Variants in CDH2 observed in about 807,000 individuals in gnomAD.
The protein encoded by CDH2 is cadherin 2, also known as cadherin-2.
In CDH2, 17 loss-of-function variants were observed where a neutral mutation model predicts 92.0. The ratio of observed to expected loss-of-function variants is 0.18; its 90% confidence interval spans 0.13 to 0.28. The LOEUF (loss-of-function observed/expected upper bound fraction) is 0.28, where lower values mean the gene tolerates loss of function less well. CDH2 is among the 10% of genes least tolerant of loss of function. CDH2 has a pLI of 1.00. For synonymous variants in CDH2, 419 were observed against 415.9 expected (o/e 1.01, Z -0.09); for missense variants, 862 against 1,133.1 (o/e 0.76, Z 3.44).
At chr18:28,170,631 C>T (rs1308841415) in intron 1 of CDH2, among the ~76,000 whole-genome samples, 4 of 152,172 alleles carry the variant, frequency 2.6e-5, no homozygotes, top group Admixed American at 2.0e-4. Context: ...AGGCATCAGC[C>T]ACCATGCCTG....
chr18:27,957,094 A>T (rs1244535665), intron 15 of CDH2, among the ~76,000 whole-genome samples: 1 of 148,710 alleles, frequency 6.7e-6, no homozygotes, highest in Non-Finnish European at 1.5e-5. Flanking sequence ...TTTTAGAATT[A>T]TACTTCTTAT....
chr18:28,102,373 C>T (rs1801371739), intron 2 of CDH2, among the ~76,000 whole-genome samples: 1 of 152,106 alleles, frequency 6.6e-6, no homozygotes, highest in Admixed American at 6.6e-5. Flanking sequence ...TGACCCATCT[C>T]TGCAGAATCA....
intron 1 of CDH2, among the ~76,000 whole-genome samples, chr18:28,152,469 C>T (rs1347798243): frequency 1.3e-5 from 2 of 152,078 alleles, no homozygotes; most frequent in African/African-American, 4.8e-5. Context: ...GGGGGCTTCC[C>T]AAGCAGAGAG....
intron 13 of CDH2, among the ~76,000 whole-genome samples, chr18:27,983,868 T>C (rs1489377575): frequency 6.6e-6 from 1 of 152,250 alleles, no homozygotes; most frequent in Non-Finnish European, 1.5e-5. Flanking sequence ...AATGGAAACA[T>C]ATCCCTAGGT....
intron 2 of CDH2, among the ~76,000 whole-genome samples, chr18:28,141,022 A>G (rs761778923): frequency 4.6e-5 from 7 of 151,804 alleles, no homozygotes; most frequent in Non-Finnish European, 7.4e-5. Context: ...GTAAAATAAG[A>G]TAACAAGTGT....
At chr18:27,987,156 A>C (rs1329464862) in intron 11 of CDH2, among the ~76,000 whole-genome samples, 1 of 152,192 alleles carries the variant, frequency 6.6e-6, no homozygotes, top group African/African-American at 2.4e-5. Flanking sequence ...ACATACATAC[A>C]TACATACATA....
intron 14 of CDH2, among the ~76,000 whole-genome samples, chr18:27,970,322 TTTC>T (rs981131978): frequency 6.6e-6 from 1 of 152,146 alleles, no homozygotes; most frequent in African/African-American, 2.4e-5. Flanking sequence ...CGAGTTCCAA[TTTC>T]TTCTTGCAAA....
At position 27,988,532 on chromosome 18, in the gene CDH2, G is replaced by A; in HGVS notation, c.1733C>T (p.Ser578Phe). The A allele has an allele frequency of 1.2e-6, 2 of 1,612,798 alleles. No individual in the cohort carries two copies. Among genetic ancestry groups the A allele is most frequent in the Non-Finnish European group, 1.7e-6 (2 of 1,179,162 alleles). The change falls in exon 11 of 16, where the codon TCT (serine) becomes TTT (phenylalanine). Residue 578 changes from serine (S) to phenylalanine (F), a missense_variant. By Grantham distance (155) the Ser-to-Phe change is radical (BLOSUM62 -2). Coordinates refer to ENST00000269141, the MANE Select transcript of CDH2 (RefSeq NM_001792.5). ...AAAAACAGCGAACATACCATTGTCA[G>A]AAGCAAGGAAAGTAGCATTATATAT... The part of the protein sequence containing the change: ...NNIYNATFLA[S>F]DNGIPPMSGT...
intron 2 of CDH2, among the ~76,000 whole-genome samples, chr18:28,122,142 C>T: frequency 6.6e-6 from 1 of 152,074 alleles, no homozygotes; most frequent in East Asian, 1.9e-4. Context: ...TCAAGCAAAA[C>T]ATCTCAATTG....
chr18:28,161,347 G>A (rs1042965347), intron 1 of CDH2, among the ~76,000 whole-genome samples: 2 of 152,138 alleles, frequency 1.3e-5, no homozygotes, highest in African/African-American at 4.8e-5. Flanking sequence ...GGTAGGCCAA[G>A]GCGGGCATAT....
chr18:28,081,519 T>C (rs2014829201), intron 2 of CDH2, among the ~76,000 whole-genome samples: 2 of 152,260 alleles, frequency 1.3e-5, no homozygotes, highest in Non-Finnish European at 2.9e-5. Context: ...CTAGCTGTAA[T>C]ATTTTATCTG....
intron 5 of CDH2, 58 bp from the exon 6 acceptor site, chr18:28,006,051 T>C: frequency 1.5e-6 from 2 of 1,340,790 alleles, no homozygotes; most frequent in Non-Finnish European, 2.1e-6. Flanking sequence ...AGAAGATAAA[T>C]ACATCATCAT....
At chr18:28,144,436 T>G (rs1441426990) in intron 2 of CDH2, among the ~76,000 whole-genome samples, 1 of 151,848 alleles carries the variant, frequency 6.6e-6, no homozygotes, top group Non-Finnish European at 1.5e-5. Flanking sequence ...GATGAGGATA[T>G]TGAAAAGAAC....
At chr18:28,011,431 C>A (rs2013095741) in intron 4 of CDH2, among the ~76,000 whole-genome samples, 1 of 152,080 alleles carries the variant, frequency 6.6e-6, no homozygotes, top group Non-Finnish European at 1.5e-5. Context: ...GCATTTTTAA[C>A]AATGATTGCC....
intron 15 of CDH2, among the ~76,000 whole-genome samples, chr18:27,955,073 T>C (rs555926566): frequency 6.6e-6 from 1 of 152,304 alleles, no homozygotes; most frequent in South Asian, 2.1e-4. Flanking sequence ...TTATGACAAT[T>C]GCTTTATAAT....
downstream of CDH2, among the ~76,000 whole-genome samples, chr18:27,950,653 T>C (rs1909396522): frequency 6.6e-6 from 1 of 152,106 alleles, no homozygotes. Context: ...ACAATTAACT[T>C]GAGCAGAAAC....
chr18:27,942,007 G>A (rs2143835480), intron 6 of CDH2, among the ~76,000 whole-genome samples: 1 of 152,264 alleles, frequency 6.6e-6, no homozygotes, highest in South Asian at 2.1e-4. Context: ...GACTATAAGG[G>A]CCAAATAAAT....
intron 2 of CDH2, among the ~76,000 whole-genome samples, chr18:28,039,941 T>C (rs2013916397): frequency 2.0e-5 from 3 of 152,168 alleles, no homozygotes; most frequent in Admixed American, 6.5e-5. Flanking sequence ...CTGATGACAA[T>C]GCATGCTTTA....
chr18:28,031,787 T>C (rs1355695731), intron 2 of CDH2, among the ~76,000 whole-genome samples: 2 of 152,162 alleles, frequency 1.3e-5, no homozygotes, highest in Non-Finnish European at 2.9e-5. Context: ...TTTTATAGAT[T>C]TCATAGCTAA....
Sources: allele counts gnomAD v4.1 joint callset (sites outside exome capture counted in the v4.1 genomes callset), GRCh38; gene constraint gnomAD v4.1.1; transcripts MANE v1.5; gene names NCBI Gene and HGNC (gene_info 2026-07-23, HGNC 2026-07-21).